Variants in DSCAM observed in about 807,000 individuals in gnomAD.
The protein encoded by DSCAM is cell adhesion molecule DSCAM.
In DSCAM, 47 loss-of-function variants were observed where a neutral mutation model predicts 217.7. The observed-to-expected ratio is 0.22, with a 90% CI of 0.17 to 0.28. DSCAM has a LOEUF of 0.28. Ranked by LOEUF, DSCAM falls within the 10% of genes least tolerant of loss-of-function variation. The probability of loss-of-function intolerance (pLI) is 1.00; values close to 1 mark genes in which losing one functional copy is unlikely to be tolerated. For missense variants in DSCAM, 2,080 were observed against 2,618.3 expected (o/e 0.79, Z 4.49); for synonymous variants, 1,056 against 1,015.3 (o/e 1.04, Z -0.76).
chr21:40,465,075 T>A (rs533752305), intron 3 of DSCAM, among the ~76,000 whole-genome samples: 1 of 152,162 alleles, frequency 6.6e-6, no homozygotes, highest in Non-Finnish European at 1.5e-5. Context: ...AAAATTGTTT[T>A]CGTCTGTTTA....
chr21:40,305,357 T>G (rs1385768628), intron 9 of DSCAM, among the ~76,000 whole-genome samples: 1 of 138,072 alleles, frequency 7.2e-6, no homozygotes, highest in Non-Finnish European at 1.5e-5. Context: ...CCCATTGTAC[T>G]GCAGCCTGGG....
chr21:40,238,563 C>A (rs1361974729), intron 11 of DSCAM, among the ~76,000 whole-genome samples: 1 of 152,182 alleles, frequency 6.6e-6, no homozygotes, highest in East Asian at 1.9e-4. Flanking sequence ...AAGACAGAGA[C>A]AACCAAGCGC....
At chr21:40,842,575 GA>G (rs991520711) in intron 1 of DSCAM, among the ~76,000 whole-genome samples, 1 of 151,522 alleles carries the variant, frequency 6.6e-6, no homozygotes, top group African/African-American at 2.4e-5. Flanking sequence ...TTTATAAAAT[GA>G]CCTCTCTCTC....
At chr21:40,032,734 C>T (rs961856621) in intron 32 of DSCAM, among the ~76,000 whole-genome samples, 2 of 152,104 alleles carry the variant, frequency 1.3e-5, no homozygotes, top group African/African-American at 4.8e-5. Context: ...AGTCTGGTCT[C>T]TGTGTTTTTT....
At chr21:40,639,008 G>A (rs2089843288) in intron 3 of DSCAM, among the ~76,000 whole-genome samples, 1 of 151,718 alleles carries the variant, frequency 6.6e-6, no homozygotes, top group African/African-American at 2.4e-5. Context: ...TTCTGTGACA[G>A]CTTTTCAGCA....
At chr21:40,035,771 C>T (rs1389345830) in intron 32 of DSCAM, among the ~76,000 whole-genome samples, 1 of 148,632 alleles carries the variant, frequency 6.7e-6, no homozygotes, top group African/African-American at 2.6e-5. Context: ...GGAAGTAAAG[C>T]TCTCCTCAGC....
intron 32 of DSCAM, among the ~76,000 whole-genome samples, chr21:40,019,512 C>T (rs1481446360): frequency 6.6e-6 from 1 of 152,230 alleles, no homozygotes; most frequent in Non-Finnish European, 1.5e-5. Flanking sequence ...ATTAAGGAAT[C>T]TGTTTCCACA....
intron 8 of DSCAM, among the ~76,000 whole-genome samples, chr21:40,319,155 G>A (rs956369542): frequency 6.6e-6 from 1 of 152,196 alleles, no homozygotes; most frequent in Non-Finnish European, 1.5e-5. Context: ...TGAAGTAGGA[G>A]TTTTGAGTAT....
intron 3 of DSCAM, among the ~76,000 whole-genome samples, chr21:40,466,749 C>G (rs1470190309): frequency 1.3e-5 from 2 of 152,040 alleles, no homozygotes; most frequent in African/African-American, 4.8e-5. Flanking sequence ...TTGAGGGTAA[C>G]ATGTTATAAA....
At chr21:40,451,868 T>C (rs1442735210) in intron 3 of DSCAM, among the ~76,000 whole-genome samples, 1 of 152,146 alleles carries the variant, frequency 6.6e-6, no homozygotes, top group East Asian at 1.9e-4. Flanking sequence ...GTCTGATTTT[T>C]CACTGACGCA....
At position 40,719,129 on chromosome 21, in the gene DSCAM, C is replaced by T. The variant is rs191180547; in HGVS notation, c.44-10358G>A. 8.4e-4 allele frequency among the ~76,000 whole-genome samples: 121 copies of T among 144,890 alleles called. 1 individual carries two copies. The highest frequency in any genetic ancestry group is 7.6e-3 in the Admixed American group (113 of 14,962). ...AGACCTTGTCTCCAAAGAAGAAAAA[C>T]ACACACACACACACACAAGGTGTGA... On this transcript the variant is annotated intron_variant, in intron 1 of 32. Transcript: ENST00000400454.
At chr21:40,054,033 A>G (rs2088975476) in intron 29 of DSCAM, among the ~76,000 whole-genome samples, 1 of 152,268 alleles carries the variant, frequency 6.6e-6, no homozygotes, top group Non-Finnish European at 1.5e-5. Context: ...TAAATAATGC[A>G]TATAAATGGC....
intron 3 of DSCAM, among the ~76,000 whole-genome samples, chr21:40,592,877 A>G (rs978151888): frequency 7.9e-5 from 12 of 152,218 alleles, no homozygotes; most frequent in African/African-American, 2.7e-4. Context: ...CCAGCCCTTA[A>G]GAGTTCAGAA....
At chr21:40,634,114 A>G (rs1367678897) in intron 3 of DSCAM, among the ~76,000 whole-genome samples, 2 of 152,230 alleles carry the variant, frequency 1.3e-5, no homozygotes, top group East Asian at 1.9e-4. Context: ...GACACAACAT[A>G]TAAGTCTCTT....
intron 8 of DSCAM, among the ~76,000 whole-genome samples, chr21:40,320,502 T>C (rs2074247598): frequency 6.6e-6 from 1 of 152,208 alleles, no homozygotes; most frequent in Admixed American, 6.5e-5. Flanking sequence ...AATATATTCT[T>C]TAAAATAATA....
chr21:40,547,900 C>T (rs2076596344), intron 3 of DSCAM, among the ~76,000 whole-genome samples: 1 of 152,192 alleles, frequency 6.6e-6, no homozygotes, highest in Non-Finnish European at 1.5e-5. Flanking sequence ...ATTTCCTCTA[C>T]AGACAGACAC....
intron 32 of DSCAM, among the ~76,000 whole-genome samples, chr21:40,036,705 C>T (rs1001904316): frequency 6.9e-6 from 1 of 144,964 alleles, no homozygotes; most frequent in African/African-American, 2.7e-5. Flanking sequence ...CAGGCAGAGA[C>T]ACAACCAAAA....
Position 40,347,943 on chromosome 21 carries a change from G to T in DSCAM, c.937C>A (p.Pro313Thr), listed in dbSNP as rs753192585. 3.1e-6 allele frequency: 5 copies of T among 1,609,754 alleles called. No individual in the cohort carries two copies. In the East Asian group the frequency reaches 1.1e-4, roughly 36 times the overall value. The part of the protein sequence containing the change: ...KVIGRLYVKQ[P>T]LKATISPRKV... ...CTGGGACTGATGGTGGCTTTCAGTGGCTCTGGAGGTTTTAGTAAGAGAGAG... is the reference window on the plus strand; with the variant it reads ...CTGGGACTGATGGTGGCTTTCAGTGTCTCTGGAGGTTTTAGTAAGAGAGAG... Residue 313 changes from proline (P) to threonine (T), a missense_variant and splice_region_variant, in exon 6 of 33, where the codon CCA becomes ACA. By Grantham distance (38) the Pro-to-Thr change is conservative. This residue lies in a region of DSCAM where 568 missense variants were observed against 678.1 expected (regional missense o/e 0.84). Transcript: ENST00000400454.
chr21:40,724,070 G>A (rs1202791653), intron 1 of DSCAM, among the ~76,000 whole-genome samples: 1 of 152,182 alleles, frequency 6.6e-6, no homozygotes, highest in African/African-American at 2.4e-5. Flanking sequence ...CCCTTTGGAT[G>A]GATTAAAGTC....
Sources: gnomAD v4.1 joint callset for allele counts (sites outside exome capture counted in the v4.1 genomes callset) on GRCh38, gnomAD v4.1.1 for gene constraint, gnomAD v4.1.1 regional missense constraint, MANE v1.5 for transcripts, NCBI Gene and HGNC (gene_info 2026-07-23, HGNC 2026-07-21) for gene names.